Variants in RYR3 observed in about 807,000 individuals in gnomAD.
The protein encoded by RYR3 is brain ryanodine receptor-calcium release channel.
RYR3 carries 207 observed loss-of-function variants against 584.3 expected under a neutral mutation model. The observed-to-expected ratio is 0.35, with a 90% CI of 0.32 to 0.40. The LOEUF (loss-of-function observed/expected upper bound fraction) is 0.40. Among genes scored for constraint, RYR3 ranks in the 10% least tolerant of loss-of-function variants. RYR3 has a pLI of 1.00. For synonymous variants in RYR3, 2,416 were observed against 2,248.5 expected (o/e 1.07, Z -2.11); for missense variants, 5,616 against 6,089.2 (o/e 0.92, Z 2.59).
chr15:33,673,716 C>T (rs11855366), intron 38 of RYR3, among the ~76,000 whole-genome samples: 18 of 152,192 alleles, frequency 1.2e-4, no homozygotes, highest in Admixed American at 1.2e-3. Flanking sequence ...AAAATAAAAA[C>T]CATCTGTCAA....
intron 16 of RYR3, among the ~76,000 whole-genome samples, chr15:33,592,847 A>AG (rs1354509010): frequency 1.3e-5 from 2 of 152,238 alleles, no homozygotes; most frequent in East Asian, 1.9e-4. Flanking sequence ...GCCAAGGTTG[A>AG]GGACGTGCCC....
At chr15:33,750,385 G>A in intron 57 of RYR3, 99 bp downstream of exon 57, 1 of 1,213,990 alleles carries the variant, frequency 8.2e-7, no homozygotes. Flanking sequence ...GAGAACAATT[G>A]AGTCTTTTAA....
chr15:33,360,347 GAAT>G (rs1461959744), intron 1 of RYR3, among the ~76,000 whole-genome samples: 2 of 152,040 alleles, frequency 1.3e-5, no homozygotes, highest in Non-Finnish European at 2.9e-5. Context: ...GTCTTTTCTA[GAAT>G]TTTGTGTACA....
chr15:33,831,206 A>C, intron 86 of RYR3, 115 bp downstream of exon 86: 1 of 929,342 alleles, frequency 1.1e-6, no homozygotes, highest in Non-Finnish European at 1.5e-6. Flanking sequence ...TCCAGCCCTA[A>C]TGCTGACAAT....
intron 67 of RYR3, among the ~76,000 whole-genome samples, chr15:33,794,167 T>C (rs181500731): frequency 0.56 from 68,482 of 121,590 alleles, 21,257 homozygotes; most frequent in East Asian, 0.96. Flanking sequence ...ATATAATATA[T>C]ACAAATATAC....
In RYR3 at chr15:33,837,816, A is replaced by T; in HGVS notation, c.11836A>T (p.Lys3946Ter). 1 of 1,614,024 alleles carries T rather than the reference A, an allele frequency of 6.2e-7. No homozygotes were observed. ...AATTATCTCCAAAAAAGAATTCCAG[A>T]AGGCCATGGAAGGGCAAAAACAGTA... ...KGIISKKEFQ[K>*]AMEGQKQYTQ... Residue 3946 changes from lysine (K) to a stop codon, truncating the protein, a stop_gained, in exon 89 of 104, where the codon AAG becomes TAG. Coordinates refer to ENST00000634891, the MANE Select transcript of RYR3 (RefSeq NM_001036.6). LOFTEE classifies it high-confidence loss of function.
At chr15:33,604,164 T>C (rs1379312140) in intron 18 of RYR3, among the ~76,000 whole-genome samples, 1 of 152,252 alleles carries the variant, frequency 6.6e-6, no homozygotes, top group African/African-American at 2.4e-5. Context: ...TAGAAATCCC[T>C]TACGTAAGCA....
chr15:33,463,657 G>T (rs1277891642), intron 1 of RYR3, among the ~76,000 whole-genome samples: 1 of 152,182 alleles, frequency 6.6e-6, no homozygotes, highest in Non-Finnish European at 1.5e-5. Flanking sequence ...ATGCCTGCAT[G>T]CCGCTACATC....
At chr15:33,683,507 G>A (rs1037709165) in intron 38 of RYR3, among the ~76,000 whole-genome samples, 36 of 152,106 alleles carry the variant, frequency 2.4e-4, no homozygotes, top group African/African-American at 8.4e-4. Flanking sequence ...CCAAAATTGG[G>A]GAGTCCATTC....
chr15:33,658,160 A>G (rs1013340104), intron 32 of RYR3, among the ~76,000 whole-genome samples: 7 of 152,206 alleles, frequency 4.6e-5, no homozygotes, highest in Non-Finnish European at 1.0e-4. Context: ...GGGTCTCACA[A>G]GGATATTGTT....
At chr15:33,672,373 C>A (rs1340468527) in intron 38 of RYR3, among the ~76,000 whole-genome samples, 2 of 152,206 alleles carry the variant, frequency 1.3e-5, no homozygotes, top group Admixed American at 6.5e-5. Context: ...AGAGGCCAGC[C>A]CTGTATGAGA....
At position 33,437,331 on chromosome 15, in the gene RYR3, A is replaced by T. The variant is rs548719047; in HGVS notation, c.52-36088A>T. Among the ~76,000 whole-genome samples, 27 of 152,314 alleles carry T rather than the reference A, an allele frequency of 1.8e-4. No individual in the cohort carries two copies. The South Asian group carries it at 5.6e-3, about 32-fold the overall frequency. On this transcript the variant is annotated intron_variant, in intron 1 of 103. Transcript: ENST00000634891. ...TTTACATTACATCATTGCCATCCTT[A>T]ACATTTTCCTCATGGTTACGGCATG...
intron 14 of RYR3, among the ~76,000 whole-genome samples, chr15:33,582,648 A>G (rs975530680): frequency 1.3e-5 from 2 of 152,234 alleles, no homozygotes; most frequent in South Asian, 2.1e-4. Flanking sequence ...AAACTGACGT[A>G]CATAGATGCT....
chr15:33,660,097 G>T (rs886936648), intron 33 of RYR3, 100 bp from the exon 34 acceptor site: 6 of 766,176 alleles, frequency 7.8e-6, no homozygotes, highest in South Asian at 1.8e-5. Flanking sequence ...GGATACATTT[G>T]TCCCTCTTTA....
At chr15:33,399,775 C>G (rs901300225) in intron 1 of RYR3, among the ~76,000 whole-genome samples, 49 of 152,054 alleles carry the variant, frequency 3.2e-4, no homozygotes, top group African/African-American at 1.1e-3. Flanking sequence ...AAAGATAGAT[C>G]TATATCTATA....
intron 3 of RYR3, among the ~76,000 whole-genome samples, chr15:33,507,222 G>T (rs923265833): frequency 6.6e-6 from 1 of 152,186 alleles, no homozygotes; most frequent in African/African-American, 2.4e-5. Context: ...TTACAATTCT[G>T]CAGCAATTTC....
intron 3 of RYR3, among the ~76,000 whole-genome samples, chr15:33,527,586 C>A (rs1323098181): frequency 2.3e-3 from 287 of 127,342 alleles, no homozygotes; most frequent in Admixed American, 4.4e-3. Flanking sequence ...AACTCTGTCT[C>A]AAAAAAAAAA....
At chr15:33,819,673 C>CG in intron 76 of RYR3, 83 bp from the exon 77 acceptor site, 1 of 518,566 alleles carries the variant, frequency 1.9e-6, no homozygotes, top group African/African-American at 3.1e-5. Context: ...AACTCTGTCT[C>CG]AAAAATAAAT....
intron 38 of RYR3, among the ~76,000 whole-genome samples, chr15:33,681,872 T>G (rs776673166): frequency 6.6e-6 from 1 of 152,170 alleles, no homozygotes; most frequent in Admixed American, 6.5e-5. Flanking sequence ...CAGCGTAGGT[T>G]TGAGATCTGT....
Sources: allele counts gnomAD v4.1 joint callset (sites outside exome capture counted in the v4.1 genomes callset), GRCh38; gene constraint gnomAD v4.1.1; transcripts MANE v1.5; gene names NCBI Gene and HGNC (gene_info 2026-07-23, HGNC 2026-07-21).